Variants in LARGE1 observed in about 807,000 individuals in gnomAD.
The protein encoded by LARGE1 is xylosyl- and glucuronyltransferase LARGE1.
LARGE1 carries 43 observed loss-of-function variants against 87.6 expected under a neutral mutation model. The observed-to-expected ratio is 0.49, with a 90% CI of 0.38 to 0.63. The LOEUF (loss-of-function observed/expected upper bound fraction) is 0.63, where lower values mean the gene tolerates loss of function less well. Among genes scored for constraint, LARGE1 ranks in the 30% least tolerant of loss-of-function variants. The pLI, the probability that LARGE1 is intolerant of heterozygous loss-of-function variation, is 0.00. For missense variants in LARGE1, 802 were observed against 1,000.2 expected, an observed-to-expected ratio of 0.80 and a Z score of 2.67; for synonymous variants, 434 against 394.6, an observed-to-expected ratio of 1.10 and a Z score of -1.18.
At chr22:33,148,209 T>A in the LARGE1 span, among the ~76,000 whole-genome samples, 2 of 152,232 alleles carry the variant, frequency 1.3e-5, no homozygotes, top group African/African-American at 2.4e-5. Context: ...TGGAGCCAAA[T>A]AAACTTCTGT....
At chr22:33,866,741 G>T (rs2064115997) in intron 1 of LARGE1, among the ~76,000 whole-genome samples, 1 of 152,146 alleles carries the variant, frequency 6.6e-6, no homozygotes, top group Non-Finnish European at 1.5e-5. Context: ...GTGGATTGCT[G>T]CGAGGATTAG....
chr22:33,201,592 T>A (rs976175212), intron 11 of LARGE1, among the ~76,000 whole-genome samples: 2 of 152,102 alleles, frequency 1.3e-5, no homozygotes, highest in African/African-American at 2.4e-5. Flanking sequence ...TGGGAGACGG[T>A]CTGGTCATCA....
chr22:33,485,326 G>A (rs2069526758), intron 6 of LARGE1, among the ~76,000 whole-genome samples: 1 of 151,360 alleles, frequency 6.6e-6, no homozygotes, highest in South Asian at 2.1e-4. Flanking sequence ...TAATTCTCCT[G>A]CCCCAGCCTC....
intron 12 of LARGE1, among the ~76,000 whole-genome samples, chr22:33,295,780 C>T (rs1933167367): frequency 6.6e-6 from 1 of 152,186 alleles, no homozygotes; most frequent in Non-Finnish European, 1.5e-5. Flanking sequence ...CCACAGAGTG[C>T]CACTGTAGAA....
In LARGE1 at chr22:33,567,004, G is replaced by A. The variant is rs369923572; in HGVS notation, c.616-1985C>T. On this transcript the variant is annotated intron_variant, in intron 5 of 14. Transcript: ENST00000397394. ...CACCCTACACCCAGGCATCATGGAG[G>A]TGGGGAAAAAGGACAGAAGTTCAAA... Among the ~76,000 whole-genome samples, 3 of 152,304 alleles carry A rather than the reference G, an allele frequency of 2.0e-5. No homozygotes were observed. The East Asian group carries it at 5.8e-4, about 29-fold the overall frequency.
intron 7 of LARGE1, among the ~76,000 whole-genome samples, chr22:33,407,284 C>T (rs1025820053): frequency 6.6e-6 from 1 of 152,142 alleles, no homozygotes; most frequent in African/African-American, 2.4e-5. Flanking sequence ...CTCAGCCTCC[C>T]AAGTAGCGGG....
chr22:33,425,837 A>G (rs1400567583), intron 7 of LARGE1, among the ~76,000 whole-genome samples: 1 of 152,172 alleles, frequency 6.6e-6, no homozygotes, highest in East Asian at 1.9e-4. Context: ...TCTAGGTTCA[A>G]GCGATTCTCT....
intron 1 of LARGE1, among the ~76,000 whole-genome samples, chr22:33,770,676 C>T (rs981191158): frequency 6.6e-6 from 1 of 151,972 alleles, no homozygotes; most frequent in African/African-American, 2.4e-5. Flanking sequence ...CAGAGTGAGA[C>T]CCTATCTCTA....
the LARGE1 span, among the ~76,000 whole-genome samples, chr22:33,074,505 T>A: frequency 2.6e-5 from 4 of 152,082 alleles, no homozygotes; most frequent in African/African-American, 9.7e-5. Context: ...TGAAACCCCA[T>A]CTCTACTAAA....
intron 9 of LARGE1, among the ~76,000 whole-genome samples, chr22:33,351,950 G>A (rs1186514131): frequency 2.6e-5 from 4 of 152,008 alleles, no homozygotes; most frequent in African/African-American, 9.7e-5. Flanking sequence ...TGTTGGCCAA[G>A]ATGGTCTAGA....
chr22:33,631,282 C>G (rs1309857930), intron 3 of LARGE1, among the ~76,000 whole-genome samples: 2 of 152,166 alleles, frequency 1.3e-5, no homozygotes, highest in African/African-American at 4.8e-5. Flanking sequence ...ATCTTCCCGT[C>G]TCAGCTTCCA....
intron 2 of LARGE1, among the ~76,000 whole-genome samples, chr22:33,677,429 G>T (rs1201337507): frequency 6.6e-6 from 1 of 152,052 alleles, no homozygotes; most frequent in Non-Finnish European, 1.5e-5. Context: ...AAACCCACTG[G>T]AAATTACGAC....
At chr22:33,260,954 T>A (rs1484845268) in intron 11 of LARGE1, among the ~76,000 whole-genome samples, 1 of 152,056 alleles carries the variant, frequency 6.6e-6, no homozygotes, top group Non-Finnish European at 1.5e-5. Flanking sequence ...AAACGGCACA[T>A]CCCCACCCCA....
chr22:33,849,961 C>T (rs139394578), intron 1 of LARGE1, among the ~76,000 whole-genome samples: 7 of 152,054 alleles, frequency 4.6e-5, no homozygotes, highest in African/African-American at 7.2e-5. Flanking sequence ...ATTTTCCATA[C>T]GAGGAAATAC....
At chr22:33,647,052 C>T (rs1341724848) in intron 3 of LARGE1, among the ~76,000 whole-genome samples, 6 of 152,236 alleles carry the variant, frequency 3.9e-5, no homozygotes, top group Non-Finnish European at 5.9e-5. Context: ...TCCAAACAAT[C>T]TCTCCTATCT....
intron 11 of LARGE1, among the ~76,000 whole-genome samples, chr22:33,201,666 C>T (rs1352051133): frequency 6.6e-6 from 1 of 152,048 alleles, no homozygotes; most frequent in Non-Finnish European, 1.5e-5. Flanking sequence ...AAGAAAAGCC[C>T]AGTGTGGCCT....
chr22:33,310,122 T>G (rs937024285), intron 11 of LARGE1, among the ~76,000 whole-genome samples: 1 of 152,116 alleles, frequency 6.6e-6, no homozygotes, highest in Admixed American at 6.5e-5. Flanking sequence ...TCAGGAGGTC[T>G]GGGGTGGGGC....
At chr22:33,651,726 A>C (rs1602986867) in intron 2 of LARGE1, among the ~76,000 whole-genome samples, 1 of 152,222 alleles carries the variant, frequency 6.6e-6, no homozygotes, top group East Asian at 1.9e-4. Flanking sequence ...GGAAGACTGG[A>C]TGCATGGCTC....
chr22:33,332,820 C>A (rs1007173165), intron 10 of LARGE1, among the ~76,000 whole-genome samples: 4 of 152,142 alleles, frequency 2.6e-5, no homozygotes, highest in African/African-American at 9.7e-5. Flanking sequence ...CAGCCCCAGC[C>A]CCAGCCAGCA....
Sources: allele counts gnomAD v4.1 joint callset (sites outside exome capture counted in the v4.1 genomes callset), GRCh38; gene constraint gnomAD v4.1.1; transcripts MANE v1.5; gene names NCBI Gene and HGNC (gene_info 2026-07-23, HGNC 2026-07-21).